The following CYP4V2 variants were observed in gnomAD, a reference collection of about 807,000 sequenced individuals.
CYP4V2 encodes the protein cytochrome P450 4V2.
Under a neutral mutation model 60.8 loss-of-function variants are expected in CYP4V2, and 55 were observed. The ratio of observed to expected loss-of-function variants is 0.90; its 90% confidence interval spans 0.73 to 1.13. CYP4V2 has a LOEUF of 1.13. Ranked by LOEUF, CYP4V2 falls within the 50% of genes most tolerant of loss-of-function variation. The pLI, the probability that CYP4V2 is intolerant of heterozygous loss-of-function variation, is 0.00. For synonymous variants in CYP4V2, 239 were observed against 236.8 expected (o/e 1.01, Z -0.08); for missense variants, 675 against 662.9 (o/e 1.02, Z -0.20).
At chr4:186,199,404 G>A (rs1390032052) in intron 6 of CYP4V2, among the ~76,000 whole-genome samples, 1 of 152,116 alleles carries the variant, frequency 6.6e-6, no homozygotes, top group African/African-American at 2.4e-5. Context: ...TTAAGTACTC[G>A]CTAAGTGCTA....
In CYP4V2 at chr4:186,191,727, CG is replaced by C. The variant is rs1735985330; in HGVS notation, c.-93del. ...CAGCGGGGAGCGCGCCAGGTCCGCG[CG>C]GGGAAGTGGGCGGTGTGCGGCCGGC... On this transcript the variant is annotated 5_prime_UTR_variant, in exon 1 of 11. Transcript: ENST00000378802. 9.4e-6 allele frequency: 11 copies of C among 1,169,390 alleles called. No individual in the cohort carries two copies. The South Asian group carries it at 3.1e-4, about 33-fold the overall frequency. 72.4% of individuals were successfully genotyped at this position (1,169,390 alleles called of 1,614,324 possible).
At position 186,195,882 on chromosome 4, in the gene CYP4V2, C is replaced by T. The variant is rs1370250582; in HGVS notation, c.328-121C>T. On this transcript the variant is annotated intron_variant, in intron 2 of 10. Coordinates refer to ENST00000378802, the MANE Select transcript of CYP4V2 (RefSeq NM_207352.4). The surrounding 1 kb of genome is among the most constrained non-coding windows in gnomAD (Gnocchi z 4.1). ...GAGGCACAGGACTGAAAATGAACGA[C>T]GGAGAAAATAAATGTTGTGAATGCC... is the stretch of plus-strand genomic sequence containing the variant. 9 of 736,116 alleles carry T rather than the reference C, an allele frequency of 1.2e-5. No homozygotes were observed. Among genetic ancestry groups the T allele is most frequent in the East Asian group, 5.4e-5 (2 of 37,050 alleles). 45.6% of individuals were successfully genotyped at this position (736,116 alleles called of 1,614,324 possible).
chr4:186,205,629 A>G (rs1736474034), intron 8 of CYP4V2, among the ~76,000 whole-genome samples: 1 of 152,250 alleles, frequency 6.6e-6, no homozygotes, highest in African/African-American at 2.4e-5. Flanking sequence ...GGAGCTGGTG[A>G]AACTATTTAG....
chr4:186,196,517 G>C (rs955133592), intron 3 of CYP4V2: 1 of 300,392 alleles, frequency 3.3e-6, no homozygotes, highest in Non-Finnish European at 6.3e-6. Context: ...CAAGAGCAAG[G>C]CAGGAGCCTA....
intron 8 of CYP4V2, among the ~76,000 whole-genome samples, chr4:186,208,636 A>G (rs878970422): frequency 6.7e-6 from 1 of 148,966 alleles, no homozygotes; most frequent in Non-Finnish European, 1.5e-5. Context: ...TTTTTCTTTG[A>G]AGGGTATTTG....
intron 8 of CYP4V2, among the ~76,000 whole-genome samples, chr4:186,207,252 CA>C (rs905707513): frequency 5.3e-5 from 8 of 151,318 alleles, no homozygotes; most frequent in Non-Finnish European, 1.2e-4. Flanking sequence ...ATTAAAAATA[CA>C]AAAAAATTAG....
chr4:186,210,625 A>G lies in CYP4V2; in HGVS notation c.1562A>G (p.Asn521Ser). 4 of 1,614,132 alleles carry G rather than the reference A, an allele frequency of 2.5e-6. No individual in the cohort carries two copies. Among genetic ancestry groups the G allele is most frequent in the South Asian group, 1.1e-5 (1 of 91,086 alleles). The change falls in exon 11 of 11, where the codon AAT becomes AGT. Residue 521 changes from asparagine to serine, a missense_variant. Physicochemically the swap from Asn to Ser is conservative, Grantham distance 46. Coordinates refer to ENST00000378802, the MANE Select transcript of CYP4V2 (RefSeq NM_207352.4). The stretch of plus-strand genomic sequence containing the variant: ...ATCTGGATCAAGTTGAAGAGGAGAA[A>G]TGCAGATGAACGCTAACTATATTAT... Reference protein sequence around the residue: ...NGIWIKLKRRNADER With the variant: ...NGIWIKLKRRSADER
At chr4:186,207,126 A>G (rs1736531000) in intron 8 of CYP4V2, among the ~76,000 whole-genome samples, 1 of 151,822 alleles carries the variant, frequency 6.6e-6, no homozygotes, top group Non-Finnish European at 1.5e-5. Flanking sequence ...TTGAGCAACT[A>G]AGCTGGGCTC....
Position 186,201,192 on chromosome 4 carries a change from T to A in CYP4V2, c.837T>A (p.Asn279Lys), listed in dbSNP as rs745895075. The A allele has an allele frequency of 6.2e-7, 1 of 1,614,164 alleles. No homozygotes were observed. Among genetic ancestry groups the A allele is most frequent in the Admixed American group, 1.7e-5 (1 of 60,018 alleles). The change falls in exon 7 of 11, where the codon AAT becomes AAA. Residue 279 changes from asparagine to lysine, a missense_variant. Transcript: ENST00000378802. The part of the protein sequence containing the change: ...IAERANEMNA[N>K]EDCRGDGRGS... ...AACGGGCCAATGAAATGAACGCCAA[T>A]GAAGACTGTAGAGGTGATGGCAGGG...
chr4:186,197,651 T>G (rs1379205632), intron 5 of CYP4V2, 49 bp downstream of exon 5: 1 of 1,583,402 alleles, frequency 6.3e-7, no homozygotes, highest in Non-Finnish European at 8.7e-7. Flanking sequence ...TGATTTAGGC[T>G]TTAAAAATTA....
At chr4:186,193,232 T>C (rs920301202) in intron 1 of CYP4V2, among the ~76,000 whole-genome samples, 8 of 152,186 alleles carry the variant, frequency 5.3e-5, no homozygotes, top group Non-Finnish European at 1.2e-4. Flanking sequence ...TACAAAAATA[T>C]AGATTTTCCC....
chr4:186,204,932 C>G (rs541537488), intron 7 of CYP4V2: 130 of 496,830 alleles, frequency 2.6e-4, no homozygotes, highest in African/African-American at 2.2e-3. Context: ...GCCCATGGAA[C>G]GCCGCCTTTA....
intron 8 of CYP4V2, among the ~76,000 whole-genome samples, chr4:186,208,093 T>TG (rs1736581299): frequency 6.6e-6 from 1 of 151,554 alleles, no homozygotes; most frequent in East Asian, 1.9e-4. Flanking sequence ...ATATTTAGCA[T>TG]CCAGTACCTT....
Position 186,196,034 on chromosome 4 carries a change from A to T in CYP4V2, c.359A>T (p.Lys120Ile), listed in dbSNP as rs771216416. ...TTAACTAGTTCAAAGCAAATTGACA[A>T]ATCCTCTATGTACAAGTTTTTAGAA... is the stretch of plus-strand genomic sequence containing the variant. ...VILTSSKQIDKSSMYKFLEPW... is the reference protein window; with the variant it reads ...VILTSSKQIDISSMYKFLEPW... Residue 120 changes from lysine to isoleucine, a missense_variant, in exon 3 of 11, where the codon AAA becomes ATA. By Grantham distance (102) the Lys-to-Ile change is moderately radical. Transcript: ENST00000378802. The T allele has an allele frequency of 6.2e-7, 1 of 1,614,132 alleles. No homozygotes were observed. The highest frequency in any genetic ancestry group is 1.7e-5 in the Admixed American group (1 of 60,026).
chr4:186,191,673 A>G lies in CYP4V2; in HGVS notation c.-151A>G. On this transcript the variant is annotated 5_prime_UTR_variant, in exon 1 of 11. Transcript: ENST00000378802. ...CTCTCTGGCCGCCGCCCGGGCGGGAAACGTCGTTCCGGGGACCGGGCGACC... is the reference window on the plus strand; with the variant it reads ...CTCTCTGGCCGCCGCCCGGGCGGGAGACGTCGTTCCGGGGACCGGGCGACC... 1 of 669,214 alleles carries G rather than the reference A, an allele frequency of 1.5e-6. No homozygotes were observed. Among genetic ancestry groups the G allele is most frequent in the East Asian group, 4.0e-5 (1 of 25,198 alleles). 41.5% of individuals were successfully genotyped at this position (669,214 alleles called of 1,614,324 possible). A position where few individuals can be genotyped will look rare whatever the true frequency, so the allele number is the denominator to read the frequency against.
intron 1 of CYP4V2, 72 bp downstream of exon 1, chr4:186,192,109 A>G (rs756941465): frequency 6.5e-5 from 98 of 1,512,612 alleles, no homozygotes; most frequent in Middle Eastern, 5.0e-4. Flanking sequence ...TCAGCCAGGA[A>G]CCCGCTGCTT....
In CYP4V2 at chr4:186,195,509, A is replaced by C. The variant is rs1736124865; in HGVS notation, c.328-494A>C. 6.6e-6 allele frequency among the ~76,000 whole-genome samples: 1 copy of C among 152,198 alleles called. No homozygotes were observed. The highest frequency in any genetic ancestry group is 1.5e-5 in the Non-Finnish European group (1 of 68,038). ...GACTCTGGGTGATCCGATCACGTTC[A>C]TGGCTTCCATTGCTGCCTCTATGCT... is the stretch of plus-strand genomic sequence containing the variant. On this transcript the variant is annotated intron_variant, in intron 2 of 10. Transcript: ENST00000378802. The surrounding 1 kb of genome is among the most constrained non-coding windows in gnomAD (Gnocchi z 4.1).
chr4:186,192,782 T>C (rs1225542547), intron 1 of CYP4V2, among the ~76,000 whole-genome samples: 1 of 152,182 alleles, frequency 6.6e-6, no homozygotes, highest in African/African-American at 2.4e-5. Flanking sequence ...AGAGTTTTAT[T>C]TTCATCAGGG....
rs72646272 is a variant in CYP4V2, at chr4:186,200,776, G to A, written c.802-381G>A. On this transcript the variant is annotated intron_variant, in intron 6 of 10. Transcript: ENST00000378802. The stretch of plus-strand genomic sequence containing the variant: ...CTGTTTCTTTTCTCCTCTACAACAT[G>A]TAATTAAGTCTATAATTAGACTGTT... Among the ~76,000 whole-genome samples the A allele has an allele frequency of 8.9e-3, 1,345 of 151,918 alleles. 15 individuals are homozygous for A. The highest frequency in any genetic ancestry group is 0.031 in the African/African-American group (1,263 of 41,286).
Sources: allele counts gnomAD v4.1 joint callset (sites outside exome capture counted in the v4.1 genomes callset), GRCh38; gene constraint gnomAD v4.1.1; non-coding constraint Gnocchi (gnomAD v3.1); transcripts MANE v1.5; gene names NCBI Gene and HGNC (gene_info 2026-07-23, HGNC 2026-07-21).